The following INPP4B variants were observed in gnomAD, a reference collection of about 807,000 sequenced individuals.
INPP4B encodes the protein inositol polyphosphate-4-phosphatase type II B.
INPP4B carries 55 observed loss-of-function variants against 122.5 expected under a neutral mutation model. That is an observed-to-expected ratio of 0.45 (90% CI 0.36 to 0.56). INPP4B has a LOEUF of 0.56. Among genes scored for constraint, INPP4B ranks in the 20% least tolerant of loss-of-function variants. The pLI is 0.00. For missense variants in INPP4B, 1,000 were observed against 1,097.7 expected (o/e 0.91, Z 1.26); for synonymous variants, 403 against 388.7 (o/e 1.04, Z -0.43).
chr4:142,794,409 A>C (rs1776958323), intron 1 of INPP4B, among the ~76,000 whole-genome samples: 1 of 152,098 alleles, frequency 6.6e-6, no homozygotes, highest in East Asian at 1.9e-4. Context: ...TGGACTTTTC[A>C]GTAAAAGAGG....
intron 2 of INPP4B, among the ~76,000 whole-genome samples, chr4:142,622,857 T>C (rs1306859080): frequency 6.6e-6 from 1 of 151,990 alleles, no homozygotes; most frequent in Non-Finnish European, 1.5e-5. Context: ...TGAGATGTAA[T>C]TCACATATTG....
At chr4:142,722,698 T>G (rs1764843325) in intron 2 of INPP4B, among the ~76,000 whole-genome samples, 1 of 152,198 alleles carries the variant, frequency 6.6e-6, no homozygotes, top group African/African-American at 2.4e-5. Flanking sequence ...ATTTGCAGTT[T>G]AAATACTCAT....
intron 2 of INPP4B, among the ~76,000 whole-genome samples, chr4:142,700,161 T>G (rs1041362724): frequency 6.6e-6 from 1 of 152,050 alleles, no homozygotes. Flanking sequence ...GACTCATCAC[T>G]TTATCAAAAG....
At chr4:142,720,795 C>CTATA (rs1192287551) in intron 2 of INPP4B, among the ~76,000 whole-genome samples, 25 of 33,592 alleles carry the variant, frequency 7.4e-4, no homozygotes, top group South Asian at 1.0e-3. Flanking sequence ...CTCTCTCTCT[C>CTATA]TCTCTCTCTC....
chr4:142,617,156 C>A (rs1743890896), intron 2 of INPP4B, among the ~76,000 whole-genome samples: 1 of 152,108 alleles, frequency 6.6e-6, no homozygotes, highest in South Asian at 2.1e-4. Context: ...TGAGAACCCT[C>A]ACACTCCTAA....
chr4:142,188,683 A>G (rs2153002367), intron 15 of INPP4B, among the ~76,000 whole-genome samples: 1 of 151,628 alleles, frequency 6.6e-6, no homozygotes, highest in Non-Finnish European at 1.5e-5. Context: ...AAAAAGAATT[A>G]CCATCCCCAA....
rs78868253 is a variant in INPP4B at position 142,725,761 on chromosome 4, C to T, written c.-191+78G>A. ...TTGATGGGTAATTCAATATCTAAAACGAATAATCAAGGAAAGTCAACTAGT... is the reference window on the plus strand; with the variant it reads ...TTGATGGGTAATTCAATATCTAAAATGAATAATCAAGGAAAGTCAACTAGT... On this transcript the variant is annotated intron_variant, in intron 2 of 25. Transcript: ENST00000262992. 1,795 of 395,424 alleles carry T rather than the reference C, an allele frequency of 4.5e-3. 34 individuals are homozygous for T. Among genetic ancestry groups the T allele is most frequent in the African/African-American group, 0.031 (1,521 of 48,584 alleles). The allele number at this position is 395,424 out of a possible 1,614,324, so 24.5% of individuals were successfully genotyped here. A position where few individuals can be genotyped will look rare whatever the true frequency, so the allele number is the denominator to read the frequency against.
At position 142,082,111 on chromosome 4, in the gene INPP4B, T is replaced by A. The variant is rs774826907; in HGVS notation, c.2562A>T (p.Thr854=). 1 of 1,527,552 alleles carries A rather than the reference T, an allele frequency of 6.5e-7. No individual in the cohort carries two copies. Among genetic ancestry groups the A allele is most frequent in the Middle Eastern group, 1.7e-4 (1 of 5,742 alleles). 94.6% of individuals were successfully genotyped at this position (1,527,552 alleles called of 1,614,324 possible). A position where few individuals can be genotyped will look rare whatever the true frequency, so the allele number is the denominator to read the frequency against. The change falls in exon 25 of 26, where the codon ACA becomes ACT. Residue 854 remains threonine, a synonymous_variant. Transcript: ENST00000262992. ...CTCTCAAGATTGAGCATTGTTCAAG[T>A]GTCACTGACATCGATGTCCTGTCTT... is the stretch of plus-strand genomic sequence containing the variant. ...SAKDRTSMSV[T]LEQCSILRDE...
intron 1 of INPP4B, among the ~76,000 whole-genome samples, chr4:142,803,385 A>T (rs1778268618): frequency 1.3e-5 from 2 of 151,898 alleles, no homozygotes; most frequent in Non-Finnish European, 2.9e-5. Context: ...TTTTATTGAC[A>T]TGAAAAGTGC....
At chr4:142,260,420 T>A (rs1739315497) in intron 11 of INPP4B, 72 bp downstream of exon 11, 1 of 910,848 alleles carries the variant, frequency 1.1e-6, no homozygotes, top group African/African-American at 1.7e-5. Flanking sequence ...GAATGCTGGT[T>A]CAGTGTTGAT....
At chr4:142,665,967 A>G (rs540347154) in intron 2 of INPP4B, among the ~76,000 whole-genome samples, 1 of 152,302 alleles carries the variant, frequency 6.6e-6, no homozygotes, top group East Asian at 1.9e-4. Context: ...GATTAGAAAC[A>G]ATAACAAATA....
rs1819572764 is a variant in INPP4B, at chr4:142,160,482, C to T, written c.1439G>A (p.Gly480Asp). 1 of 1,612,624 alleles carries T rather than the reference C, an allele frequency of 6.2e-7. No homozygotes were observed. The highest frequency in any genetic ancestry group is 8.5e-7 in the Non-Finnish European group (1 of 1,179,180). ...AGGAGAGGGTGGCTTCTTAAGAATG[C>T]CTCCTGGCCTTGCAGTGTAGAGTGC... The part of the protein sequence containing the change: ...LLALYTARPG[G>D]ILKKPPSPKS... Residue 480 changes from glycine to aspartate, a missense_variant, in exon 17 of 26, where the codon GGC (glycine) becomes GAC (aspartate). By Grantham distance (94) the Gly-to-Asp change is moderately conservative (BLOSUM62 -1). Transcript: ENST00000262992.
intron 24 of INPP4B, among the ~76,000 whole-genome samples, chr4:142,084,070 T>A (rs1264929698): frequency 6.6e-6 from 1 of 152,176 alleles, no homozygotes; most frequent in East Asian, 1.9e-4. Context: ...CTTTAAGTCT[T>A]CACTTTTACT....
Position 142,309,123 on chromosome 4 carries a change from C to T in INPP4B, c.424-3586G>A, listed in dbSNP as rs10017193. ...AAATCCAGACAAAGAAAGCATCTAG[C>T]CAGGAAAATAAAACATCTCCCATAA... is the stretch of plus-strand genomic sequence containing the variant. On this transcript the variant is annotated intron_variant, in intron 8 of 25. Coordinates refer to ENST00000262992, the MANE Select transcript of INPP4B (RefSeq NM_001101669.3). Among the ~76,000 whole-genome samples the T allele has an allele frequency of 2.8e-3, 427 of 152,072 alleles. 1 individual carries two copies. Among genetic ancestry groups the T allele is most frequent in the African/African-American group, 9.7e-3 (402 of 41,474 alleles).
intron 9 of INPP4B, among the ~76,000 whole-genome samples, chr4:142,290,654 A>AC (rs1484218136): frequency 6.6e-6 from 1 of 151,798 alleles, no homozygotes; most frequent in Non-Finnish European, 1.5e-5. Flanking sequence ...TACCACCACC[A>AC]CCATTGCCAC....
intron 1 of INPP4B, among the ~76,000 whole-genome samples, chr4:142,776,691 C>A (rs1351195854): frequency 6.6e-6 from 1 of 152,132 alleles, no homozygotes; most frequent in African/African-American, 2.4e-5. Context: ...TTTCTCCTCC[C>A]ATTTTAAAAA....
intron 5 of INPP4B, among the ~76,000 whole-genome samples, chr4:142,407,502 A>G (rs1382702388): frequency 6.6e-6 from 1 of 152,182 alleles, no homozygotes; most frequent in Non-Finnish European, 1.5e-5. Context: ...GAAAATTTCT[A>G]TTACACTGAA....
At chr4:142,117,880 A>C (rs968282633) in intron 21 of INPP4B, among the ~76,000 whole-genome samples, 5 of 152,202 alleles carry the variant, frequency 3.3e-5, no homozygotes, top group Non-Finnish European at 5.9e-5. Flanking sequence ...ACATGATTGT[A>C]TATCTAGAAA....
chr4:142,654,236 G>C (rs568997440), intron 2 of INPP4B, among the ~76,000 whole-genome samples: 2 of 151,894 alleles, frequency 1.3e-5, no homozygotes, highest in South Asian at 4.2e-4. Flanking sequence ...TAGGGGGCTC[G>C]GGAAGGGATA....
Sources: allele counts gnomAD v4.1 joint callset (sites outside exome capture counted in the v4.1 genomes callset), GRCh38; gene constraint gnomAD v4.1.1; transcripts MANE v1.5; gene names NCBI Gene and HGNC (gene_info 2026-07-23, HGNC 2026-07-21).